CRMP1: variants seen among roughly 807,000 people sequenced by gnomAD.
CRMP1 encodes collapsin response mediator protein 1.
In CRMP1, 19 loss-of-function variants were observed where a neutral mutation model predicts 68.3. That is an observed-to-expected ratio of 0.28 (90% CI 0.19 to 0.41). The LOEUF is 0.41. Among genes scored for constraint, CRMP1 ranks in the 10% least tolerant of loss-of-function variants. The pLI is 1.00. For synonymous variants in CRMP1, 439 were observed against 399.6 expected (o/e 1.10, Z -1.18); for missense variants, 791 against 967.4 (o/e 0.82, Z 2.42).
chr4:5,828,722 C>T, intron 11 of CRMP1, 54 bp from the exon 12 acceptor site: 1 of 1,570,410 alleles, frequency 6.4e-7, no homozygotes, highest in Non-Finnish European at 8.7e-7. Flanking sequence ...CCCAAACGAG[C>T]TGTTCATAAC....
chr4:5,863,312 T>G (rs1713727627), intron 2 of CRMP1, among the ~76,000 whole-genome samples: 1 of 152,104 alleles, frequency 6.6e-6, no homozygotes, highest in South Asian at 2.1e-4. Context: ...ATTCTCATTT[T>G]GCAAAAGAGG....
In CRMP1 at chr4:5,892,147, G is replaced by A. The variant is rs774345013; in HGVS notation, c.381+442C>T. ...CTCTCCCGGGGCCCGGCACACAGTA[G>A]GTGCTCTATAATTACTACCGACTGA... On this transcript the variant is annotated intron_variant, in intron 1 of 13. Coordinates refer to ENST00000324989, the MANE Select transcript of CRMP1 (RefSeq NM_001014809.3). This position sits in a 1 kb window ranked among gnomAD's most constrained non-coding sequence, Gnocchi z 8.6. 6.6e-6 allele frequency among the ~76,000 whole-genome samples: 1 copy of A among 151,792 alleles called. No individual in the cohort carries two copies. Among genetic ancestry groups the A allele is most frequent in the Admixed American group, 6.5e-5 (1 of 15,268 alleles).
At chr4:5,823,028 C>G (rs1263380316) in intron 13 of CRMP1, among the ~76,000 whole-genome samples, 1 of 152,224 alleles carries the variant, frequency 6.6e-6, no homozygotes, top group Admixed American at 6.5e-5. Context: ...TTACCGACAA[C>G]TGTCTTGGTG....
In CRMP1 at chr4:5,877,145, G is replaced by C. The variant is rs915860989; in HGVS notation, c.382-10389C>G. Among the ~76,000 whole-genome samples, 4 of 152,184 alleles carry C rather than the reference G, an allele frequency of 2.6e-5. No homozygotes were observed. The highest frequency in any genetic ancestry group is 9.6e-5 in the African/African-American group (4 of 41,454). On this transcript the variant is annotated intron_variant, in intron 1 of 13. Coordinates refer to ENST00000324989, the MANE Select transcript of CRMP1 (RefSeq NM_001014809.3). This position sits in a 1 kb window ranked among gnomAD's most constrained non-coding sequence, Gnocchi z 4.3. Reference sequence around the variant, plus strand: ...TGGCAGCCCCAGAATGAGAGGATTTGAGGAGCACACCTGACCCCAACAGAA... The same window carrying C: ...TGGCAGCCCCAGAATGAGAGGATTTCAGGAGCACACCTGACCCCAACAGAA...
At chr4:5,840,769 G>A (rs1711662214) in intron 8 of CRMP1, among the ~76,000 whole-genome samples, 2 of 152,162 alleles carry the variant, frequency 1.3e-5, no homozygotes, top group Admixed American at 6.5e-5. Flanking sequence ...ACCTCTCTGA[G>A]CCCCGGTTTC....
Position 5,860,884 on chromosome 4 carries a change from C to T in CRMP1, c.655+142G>A. 5.1e-6 allele frequency: 4 copies of T among 789,436 alleles called. No individual in the cohort carries two copies. The highest frequency in any genetic ancestry group is 1.9e-5 in the South Asian group (1 of 52,458). 48.9% of individuals were successfully genotyped at this position (789,436 alleles called of 1,614,324 possible). A position where few individuals can be genotyped will look rare whatever the true frequency, so the allele number is the denominator to read the frequency against. On this transcript the variant is annotated intron_variant, in intron 3 of 13. Coordinates refer to ENST00000324989, the MANE Select transcript of CRMP1 (RefSeq NM_001014809.3). This position sits in a 1 kb window ranked among gnomAD's most constrained non-coding sequence, Gnocchi z 4.2. ...ACGGTATGCTCTGTAAAACAGTGAC[C>T]TGTGTCATAGGGCTGGGGGGAGAAT... is the stretch of plus-strand genomic sequence containing the variant.
At chr4:5,876,040 C>A (rs1022139170) in intron 1 of CRMP1, among the ~76,000 whole-genome samples, 4 of 151,742 alleles carry the variant, frequency 2.6e-5, no homozygotes, top group African/African-American at 9.7e-5. Context: ...GTAGTCCCAG[C>A]TACTTGGGAG....
Position 5,821,599 on chromosome 4 carries a change from A to T in CRMP1, c.*161T>A. On this transcript the variant is annotated 3_prime_UTR_variant, in exon 14 of 14. Transcript: ENST00000324989. The surrounding 1 kb of genome is among the most constrained non-coding windows in gnomAD (Gnocchi z 4.4). ...AATTTCCAAGCAAACACACCACACT[A>T]GTACCACTTCTTCCTAAACAGAAAA... 2 of 687,932 alleles carry T rather than the reference A, an allele frequency of 2.9e-6. No individual in the cohort carries two copies. The highest frequency in any genetic ancestry group is 4.9e-6 in the Non-Finnish European group (2 of 407,908). 42.6% of individuals were successfully genotyped at this position (687,932 alleles called of 1,614,324 possible). A position where few individuals can be genotyped will look rare whatever the true frequency, so the allele number is the denominator to read the frequency against.
At chr4:5,875,405 A>G (rs961309042) in intron 1 of CRMP1, among the ~76,000 whole-genome samples, 6 of 149,964 alleles carry the variant, frequency 4.0e-5, no homozygotes, top group Admixed American at 4.0e-4. Flanking sequence ...TTAGAAAAAA[A>G]AAAAAAAAAA....
chr4:5,849,404 A>C lies in CRMP1; in HGVS notation c.951T>G (p.Asp317Glu). The change falls in exon 6 of 14, where the codon GAT (aspartate) becomes GAG (glutamate). Residue 317 changes from aspartate (D) to glutamate (E), a missense_variant. Asp to Glu is a conservative substitution (Grantham distance 45). Coordinates refer to ENST00000324989, the MANE Select transcript of CRMP1 (RefSeq NM_001014809.3). The part of the protein sequence containing the change: ...AVILVHAENG[D>E]LIAQEQKRIL... ...TCTTGCCACTCACCTGAGCTATCAA[A>C]TCTCCATTTTCTGCATGGACCAAGA... is the stretch of plus-strand genomic sequence containing the variant. 1.2e-6 allele frequency: 2 copies of C among 1,613,856 alleles called. No homozygotes were observed. The highest frequency in any genetic ancestry group is 1.7e-6 in the Non-Finnish European group (2 of 1,179,808).
intron 1 of CRMP1, among the ~76,000 whole-genome samples, chr4:5,876,322 G>C (rs1714828267): frequency 6.6e-6 from 1 of 152,000 alleles, no homozygotes. Flanking sequence ...AGGAAGTTGG[G>C]GTGAGGGCAA....
rs1406683885 is a variant in CRMP1, at chr4:5,833,464, C to T, written c.1623+2451G>A. 4.6e-5 allele frequency among the ~76,000 whole-genome samples: 4 copies of T among 86,694 alleles called. No homozygotes were observed. In the East Asian group the frequency reaches 1.1e-3, roughly 24 times the overall value. The allele number at this position is 86,694 out of a possible 152,430, so 56.9% of individuals were successfully genotyped here. A position where few individuals can be genotyped will look rare whatever the true frequency, so the allele number is the denominator to read the frequency against. ...TACAGGCGTGAGCCACCGCGCCCGGCCCCAGAACTTTTAAGAGATGAAATT... is the reference window on the plus strand; with the variant it reads ...TACAGGCGTGAGCCACCGCGCCCGGTCCCAGAACTTTTAAGAGATGAAATT... On this transcript the variant is annotated intron_variant, in intron 11 of 13. Coordinates refer to ENST00000324989, the MANE Select transcript of CRMP1 (RefSeq NM_001014809.3).
chr4:5,828,080 G>GC, intron 12 of CRMP1: 9 of 985,396 alleles, frequency 9.1e-6, no homozygotes, highest in Non-Finnish European at 9.6e-6. Flanking sequence ...GCTCCACAGG[G>GC]CCAGACCCGA....
Position 5,843,113 on chromosome 4 carries a change from C to T in CRMP1, c.1012G>A (p.Ala338Thr). 1.2e-6 allele frequency: 2 copies of T among 1,614,174 alleles called. No individual in the cohort carries two copies. Among genetic ancestry groups the T allele is most frequent in the Non-Finnish European group, 1.7e-6 (2 of 1,180,046 alleles). The change falls in exon 7 of 14, where the codon GCC becomes ACC. Residue 338 changes from alanine to threonine, a missense_variant. Around this residue, in one of 3 missense-constraint regions of CRMP1, gnomAD observed 594 missense variants for 763.6 expected, o/e 0.78. Transcript: ENST00000324989. This position sits in a 1 kb window ranked among gnomAD's most constrained non-coding sequence, Gnocchi z 4.1. ...EMGITGPEGH[A>T]LSRPEELEAE... ...CTTACCTCTTCAGGTCTGCTCAGGG[C>T]ATGGCCCTCGGGACCCGTGATGCCC...
chr4:5,841,200 C>T lies in CRMP1; in HGVS notation c.1153+108G>A. On this transcript the variant is annotated intron_variant, in intron 8 of 13. Transcript: ENST00000324989. The surrounding 1 kb of genome is among the most constrained non-coding windows in gnomAD (Gnocchi z 6.9). The stretch of plus-strand genomic sequence containing the variant: ...TCAGGAGCATCCCCGCTCCACCCCT[C>T]CCTCCTCCGGCTGCCTGTCTGAGTT... The T allele has an allele frequency of 6.4e-7, 1 of 1,564,574 alleles. No individual in the cohort carries two copies. Among genetic ancestry groups the T allele is most frequent in the South Asian group, 1.1e-5 (1 of 87,982 alleles).
At position 5,825,275 on chromosome 4, in the gene CRMP1, ACCACCATGTTGCCCCC is replaced by A. The variant is rs1719361545; in HGVS notation, c.1969+203_1969+218del. The A allele has an allele frequency of 1.0e-6, 1 of 985,186 alleles. No homozygotes were observed. The highest frequency in any genetic ancestry group is 6.2e-5 in the Admixed American group (1 of 16,242). 61.0% of individuals were successfully genotyped at this position (985,186 alleles called of 1,614,324 possible). A position where few individuals can be genotyped will look rare whatever the true frequency, so the allele number is the denominator to read the frequency against. Reference sequence around the variant, plus strand: ...CTCTCTTTGTAAACCCACATCAGGTACCACCATGTTGCCCCCCTAACATGGACCCCCCTCTGCTTGG... The same window carrying A: ...CTCTCTTTGTAAACCCACATCAGGTACTAACATGGACCCCCCTCTGCTTGG... On this transcript the variant is annotated intron_variant, in intron 13 of 13. Coordinates refer to ENST00000324989, the MANE Select transcript of CRMP1 (RefSeq NM_001014809.3). This position sits in a 1 kb window ranked among gnomAD's most constrained non-coding sequence, Gnocchi z 4.4.
Position 5,836,911 on chromosome 4 carries a change from C to A in CRMP1, c.1311-5G>T. ...CCTGTGACCTGCAAGTCCCCACTGG[C>A]AAGGACAAAACAAGGTAGAGTTCAG... On this transcript the variant is annotated splice_region_variant and splice_polypyrimidine_tract_variant and intron_variant, in intron 9 of 13. Coordinates refer to ENST00000324989, the MANE Select transcript of CRMP1 (RefSeq NM_001014809.3). 6.2e-7 allele frequency: 1 copy of A among 1,606,950 alleles called. No individual in the cohort carries two copies.
chr4:5,839,734 G>A (rs1354089188), intron 8 of CRMP1, 56 bp from the exon 9 acceptor site: 1 of 1,529,996 alleles, frequency 6.5e-7, no homozygotes, highest in African/African-American at 1.4e-5. Flanking sequence ...TGAGGCAGAT[G>A]TCAAAGGCAC....
intron 3 of CRMP1, among the ~76,000 whole-genome samples, chr4:5,857,910 T>C (rs1052881941): frequency 6.6e-6 from 1 of 152,172 alleles, no homozygotes; most frequent in Admixed American, 6.5e-5. Context: ...TAAACCTCCC[T>C]TGAGGCTTAC....
Sources: allele counts gnomAD v4.1 joint callset (sites outside exome capture counted in the v4.1 genomes callset), GRCh38; gene constraint gnomAD v4.1.1; regional missense constraint gnomAD v4.1.1; non-coding constraint Gnocchi (gnomAD v3.1); transcripts MANE v1.5; gene names NCBI Gene and HGNC (gene_info 2026-07-23, HGNC 2026-07-21).